PRICKLE1: variants seen among roughly 807,000 people sequenced by gnomAD.
The protein encoded by PRICKLE1 is prickle planar cell polarity protein 1.
A neutral mutation model predicts 70.2 loss-of-function variants in PRICKLE1; 14 were observed. That is an observed-to-expected ratio of 0.20 (90% CI 0.13 to 0.31). PRICKLE1 has a LOEUF of 0.31. Among genes scored for constraint, PRICKLE1 ranks in the 10% least tolerant of loss-of-function variants. The pLI is 1.00. For missense variants in PRICKLE1, 821 were observed against 1,026.2 expected (o/e 0.80, Z 2.73); for synonymous variants, 357 against 379.9 (o/e 0.94, Z 0.70).
chr12:42,564,297 T>C (rs1234675006), intron 1 of PRICKLE1, among the ~76,000 whole-genome samples: 4 of 149,734 alleles, frequency 2.7e-5, no homozygotes, highest in African/African-American at 9.8e-5. Flanking sequence ...AAAAGGTCTC[T>C]TTCCAAAACA....
intron 1 of PRICKLE1, among the ~76,000 whole-genome samples, chr12:42,495,869 A>T (rs1354144897): frequency 6.6e-6 from 1 of 152,254 alleles, no homozygotes; most frequent in Non-Finnish European, 1.5e-5. Context: ...CCGGAATTAC[A>T]GGCGTGAGCC....
intron 6 of PRICKLE1, 43 bp from the exon 7 acceptor site, chr12:42,465,301 T>C: frequency 2.5e-6 from 4 of 1,602,978 alleles, no homozygotes; most frequent in Non-Finnish European, 3.4e-6. Flanking sequence ...TATGGTTTAA[T>C]GCCTGAAACA....
At chr12:42,489,633 TG>T (rs1275510716) in intron 1 of PRICKLE1, 7 of 115,016 alleles carry the variant, frequency 6.1e-5, no homozygotes, top group Admixed American at 1.3e-4. Context: ...CACTTAAACC[TG>T]GGGGATAAGA....
At chr12:42,475,620 C>A (rs193095305) in intron 1 of PRICKLE1, among the ~76,000 whole-genome samples, 1 of 152,046 alleles carries the variant, frequency 6.6e-6, no homozygotes, top group Non-Finnish European at 1.5e-5. Flanking sequence ...ACTTTACCCA[C>A]GGAAGGCATT....
chr12:42,471,588 T>C (rs1938324303), intron 2 of PRICKLE1, among the ~76,000 whole-genome samples: 1 of 152,218 alleles, frequency 6.6e-6, no homozygotes, highest in South Asian at 2.1e-4. Context: ...GGTACTGTGC[T>C]ATGCCATGGA....
At chr12:42,518,265 A>G (rs1251457727) in intron 1 of PRICKLE1, among the ~76,000 whole-genome samples, 1 of 152,148 alleles carries the variant, frequency 6.6e-6, no homozygotes, top group African/African-American at 2.4e-5. Flanking sequence ...GCTGGTCTTG[A>G]ACTCCTGGAC....
chr12:42,521,384 G>A (rs1939705615), intron 1 of PRICKLE1, among the ~76,000 whole-genome samples: 1 of 152,046 alleles, frequency 6.6e-6, no homozygotes, highest in African/African-American at 2.4e-5. Context: ...TTTGAAAATG[G>A]TTACGAATAC....
chr12:42,570,897 A>C (rs2120750227), intron 1 of PRICKLE1, among the ~76,000 whole-genome samples: 1 of 152,318 alleles, frequency 6.6e-6, no homozygotes, highest in African/African-American at 2.4e-5. Flanking sequence ...CCTTTAAAAT[A>C]TCCAATCAAA....
chr12:42,521,337 T>C (rs570147712), intron 1 of PRICKLE1, among the ~76,000 whole-genome samples: 4 of 152,316 alleles, frequency 2.6e-5, no homozygotes, highest in African/African-American at 9.6e-5. Flanking sequence ...TTACTAATTA[T>C]ATATTTAGTA....
At chr12:42,518,805 C>T (rs1939655591) in intron 1 of PRICKLE1, among the ~76,000 whole-genome samples, 1 of 152,124 alleles carries the variant, frequency 6.6e-6, no homozygotes, top group African/African-American at 2.4e-5. Context: ...GCTTATATTT[C>T]TCAAAACACT....
At chr12:42,485,255 T>G (rs900156228) in intron 1 of PRICKLE1, 12 of 147,900 alleles carry the variant, frequency 8.1e-5, no homozygotes, top group Non-Finnish European at 1.2e-4. Context: ...TTTTTTTTTT[T>G]TTTTTTTTTT....
At chr12:42,514,517 G>T (rs1243770705) in intron 1 of PRICKLE1, among the ~76,000 whole-genome samples, 2 of 152,050 alleles carry the variant, frequency 1.3e-5, no homozygotes, top group Non-Finnish European at 2.9e-5. Context: ...AATGCATGCA[G>T]ACCAACAGAA....
At chr12:42,566,326 T>C (rs964795929) in intron 1 of PRICKLE1, among the ~76,000 whole-genome samples, 4 of 152,162 alleles carry the variant, frequency 2.6e-5, no homozygotes, top group African/African-American at 9.7e-5. Flanking sequence ...TCCAGTTTTC[T>C]AGGTTGAATA....
At chr12:42,549,535 G>A (rs574440972) in intron 1 of PRICKLE1, among the ~76,000 whole-genome samples, 2 of 152,116 alleles carry the variant, frequency 1.3e-5, no homozygotes, top group African/African-American at 4.8e-5. Context: ...TCTCCACCTC[G>A]ATGACTCAAA....
intron 1 of PRICKLE1, among the ~76,000 whole-genome samples, chr12:42,542,358 AT>A: frequency 6.6e-6 from 1 of 152,164 alleles, no homozygotes; most frequent in East Asian, 1.9e-4. Flanking sequence ...TGTTTTAAAA[AT>A]TTATTTTGCG....
chr12:42,555,297 T>C (rs1002086388), intron 1 of PRICKLE1, among the ~76,000 whole-genome samples: 5 of 152,072 alleles, frequency 3.3e-5, no homozygotes, highest in Admixed American at 6.6e-5. Flanking sequence ...AGAGCGAAAC[T>C]CCATCTCAAA....
chr12:42,528,912 G>A (rs1939860714), intron 1 of PRICKLE1, among the ~76,000 whole-genome samples: 1 of 152,198 alleles, frequency 6.6e-6, no homozygotes, highest in African/African-American at 2.4e-5. Context: ...AATAATCCTT[G>A]TAGCACCTCA....
chr12:42,465,405 G>A (rs2140103458), intron 6 of PRICKLE1, 147 bp from the exon 7 acceptor site: 1 of 739,362 alleles, frequency 1.4e-6, no homozygotes. Flanking sequence ...CATTCTTTGT[G>A]GATTCTGTAT....
At chr12:42,522,121 A>G (rs1939721052) in intron 1 of PRICKLE1, among the ~76,000 whole-genome samples, 1 of 151,938 alleles carries the variant, frequency 6.6e-6, no homozygotes, top group Admixed American at 6.6e-5. Context: ...GATTATAGGC[A>G]CATGCCACCA....
Sources: allele counts gnomAD v4.1 joint callset (sites outside exome capture counted in the v4.1 genomes callset), GRCh38; gene constraint gnomAD v4.1.1; transcripts MANE v1.5; gene names NCBI Gene and HGNC (gene_info 2026-07-23, HGNC 2026-07-21).